The following CCDC60 variants were observed in gnomAD, a reference collection of about 807,000 sequenced individuals.
The protein encoded by CCDC60 is coiled-coil domain containing 60, also known as coiled-coil domain-containing protein 60.
Under a neutral mutation model 63.5 loss-of-function variants are expected in CCDC60, and 54 were observed. That is an observed-to-expected ratio of 0.85 (90% CI 0.68 to 1.07). CCDC60 has a LOEUF of 1.07. Among genes scored for constraint, CCDC60 ranks in the 50% least tolerant of loss-of-function variants. The pLI is 0.00. For missense variants in CCDC60, 651 were observed against 684.3 expected, an observed-to-expected ratio of 0.95 and a Z score of 0.54; for synonymous variants, 206 against 238.8, an observed-to-expected ratio of 0.86 and a Z score of 1.27.
chr12:119,540,957 C>A lies in CCDC60; in HGVS notation c.*242C>A. 2.3e-6 allele frequency: 1 copy of A among 426,828 alleles called. No homozygotes were observed. The highest frequency in any genetic ancestry group is 4.2e-6 in the Non-Finnish European group (1 of 240,070). The allele number at this position is 426,828 out of a possible 1,614,324, so 26.4% of individuals were successfully genotyped here. A position where few individuals can be genotyped will look rare whatever the true frequency, so the allele number is the denominator to read the frequency against. On this transcript the variant is annotated 3_prime_UTR_variant, in exon 14 of 14. Coordinates refer to ENST00000327554, the MANE Select transcript of CCDC60 (RefSeq NM_178499.5). ...CTACCAGTCTCTGTTCTTCAATGAT[C>A]CAGCCTGACTCTACCTACTTCCTCT...
Position 119,456,597 on chromosome 12 carries a change from G to A in CCDC60, c.171-15397G>A, listed in dbSNP as rs1383673462. Among the ~76,000 whole-genome samples, 1 of 152,220 alleles carries A rather than the reference G, an allele frequency of 6.6e-6. No homozygotes were observed. Among genetic ancestry groups the A allele is most frequent in the East Asian group, 1.9e-4 (1 of 5,198 alleles). On this transcript the variant is annotated intron_variant, in intron 2 of 13. Transcript: ENST00000327554. The surrounding 1 kb of genome is among the most constrained non-coding windows in gnomAD (Gnocchi z 4.6). ...TCAGGGCAAGTCCATAGCATAAAGT[G>A]AAAGCAAGTTTATTAATAAAGTAAA...
chr12:119,432,399 G>A (rs1012340311), intron 2 of CCDC60, among the ~76,000 whole-genome samples: 1 of 152,216 alleles, frequency 6.6e-6, no homozygotes, highest in Non-Finnish European at 1.5e-5. Context: ...CAGAAGAGAG[G>A]TTCCAAATAC....
intron 2 of CCDC60, among the ~76,000 whole-genome samples, chr12:119,446,626 C>A (rs961327504): frequency 6.6e-6 from 1 of 152,042 alleles, no homozygotes; most frequent in Non-Finnish European, 1.5e-5. Context: ...GGACGGGAGA[C>A]AGAGAGAATG....
intron 1 of CCDC60, among the ~76,000 whole-genome samples, chr12:119,397,252 T>C (rs1481141484): frequency 3.3e-5 from 5 of 152,146 alleles, no homozygotes; most frequent in East Asian, 1.9e-4. Flanking sequence ...AACACTTCCA[T>C]GATCTGAAAA....
At chr12:119,387,863 C>T (rs2136191817) in intron 1 of CCDC60, 2 of 152,322 alleles carry the variant, frequency 1.3e-5, no homozygotes, top group South Asian at 2.1e-4. Context: ...CTCACGATTA[C>T]ATGCAATGCT....
intron 2 of CCDC60, among the ~76,000 whole-genome samples, chr12:119,431,370 G>A (rs544391649): frequency 3.0e-4 from 45 of 152,202 alleles, no homozygotes; most frequent in African/African-American, 1.0e-3. Flanking sequence ...CTATTCTCTT[G>A]TGCTGAGTCA....
intron 5 of CCDC60, among the ~76,000 whole-genome samples, chr12:119,493,551 C>T (rs117381366): frequency 6.6e-6 from 1 of 152,128 alleles, no homozygotes; most frequent in Non-Finnish European, 1.5e-5. Context: ...AAAAACTCCT[C>T]AACTTCCCAA....
chr12:119,496,410 T>A (rs950444209), intron 5 of CCDC60, among the ~76,000 whole-genome samples: 9 of 152,178 alleles, frequency 5.9e-5, no homozygotes, highest in African/African-American at 2.2e-4. Flanking sequence ...CCTATTCCCT[T>A]GATTTCTGGC....
chr12:119,531,953 G>A (rs781104808), intron 13 of CCDC60, among the ~76,000 whole-genome samples: 24 of 152,228 alleles, frequency 1.6e-4, no homozygotes, highest in Admixed American at 2.6e-4. Flanking sequence ...GGCCTTCAAC[G>A]CCTCCCTCCT....
rs549028620 is a variant in CCDC60, at chr12:119,487,698, C to T, written c.450-1061C>T. Among the ~76,000 whole-genome samples the T allele has an allele frequency of 3.9e-5, 6 of 152,248 alleles. No individual in the cohort carries two copies. In the South Asian group the frequency reaches 1.2e-3, roughly 32 times the overall value. On this transcript the variant is annotated intron_variant, in intron 4 of 13. Transcript: ENST00000327554. ...GCACCTCTCTGAGCCTCAGTTTCCCCTTCTCTAAAATGTGCATAATAATTC... is the reference window on the plus strand; with the variant it reads ...GCACCTCTCTGAGCCTCAGTTTCCCTTTCTCTAAAATGTGCATAATAATTC...
chr12:119,451,179 C>T (rs1950627989), intron 2 of CCDC60, among the ~76,000 whole-genome samples: 1 of 152,198 alleles, frequency 6.6e-6, no homozygotes, highest in African/African-American at 2.4e-5. Flanking sequence ...AACAGGGATG[C>T]ATTTTTCCAC....
At chr12:119,396,005 T>C (rs965636969) in intron 1 of CCDC60, among the ~76,000 whole-genome samples, 27 of 152,194 alleles carry the variant, frequency 1.8e-4, no homozygotes, top group African/African-American at 6.0e-4. Flanking sequence ...TGGCTTGATC[T>C]CAACTCACTG....
chr12:119,484,226 C>T (rs947936851), intron 4 of CCDC60, among the ~76,000 whole-genome samples: 12 of 152,028 alleles, frequency 7.9e-5, no homozygotes, highest in Non-Finnish European at 1.6e-4. Context: ...ATCTGCAAAA[C>T]GGGGATAATA....
At chr12:119,433,159 G>A (rs1465384755) in intron 2 of CCDC60, among the ~76,000 whole-genome samples, 1 of 40,206 alleles carries the variant, frequency 2.5e-5, no homozygotes, top group Non-Finnish European at 4.8e-5. Context: ...TCCCCCGACA[G>A]AGAGTTGTTA....
chr12:119,527,647 TTTC>T (rs1952715174), intron 11 of CCDC60, among the ~76,000 whole-genome samples: 1 of 119,882 alleles, frequency 8.3e-6, no homozygotes, highest in South Asian at 2.7e-4. Context: ...GACTTTGTTT[TTTC>T]TTTCTTTCTT....
chr12:119,436,125 G>A (rs1305468661), intron 2 of CCDC60, among the ~76,000 whole-genome samples: 4 of 152,138 alleles, frequency 2.6e-5, no homozygotes, highest in African/African-American at 7.2e-5. Context: ...AGTTAAAGGT[G>A]GAAAAATAGA....
At chr12:119,376,644 A>G (rs1239091171) in intron 1 of CCDC60, among the ~76,000 whole-genome samples, 1 of 152,136 alleles carries the variant, frequency 6.6e-6, no homozygotes, top group African/African-American at 2.4e-5. Flanking sequence ...ATAAAATAAA[A>G]TAAAATAAAA....
chr12:119,386,501 GAAA>G (rs56754949), intron 1 of CCDC60, among the ~76,000 whole-genome samples: 1 of 142,720 alleles, frequency 7.0e-6, no homozygotes, highest in Admixed American at 7.0e-5. Context: ...TCCACTCTAA[GAAA>G]AAAAAAAAAA....
Position 119,505,146 on chromosome 12 carries a change from T to A in CCDC60, c.726T>A (p.Ser242Arg). 1 of 1,613,846 alleles carries A rather than the reference T, an allele frequency of 6.2e-7. No individual in the cohort carries two copies. Among genetic ancestry groups the A allele is most frequent in the Non-Finnish European group, 8.5e-7 (1 of 1,179,924 alleles). The change falls in exon 7 of 14, where the codon AGT becomes AGA. Residue 242 changes from serine (S) to arginine (R), a missense_variant. Physicochemically the swap from Ser to Arg is moderately radical, Grantham distance 110 (BLOSUM62 -1). Coordinates refer to ENST00000327554, the MANE Select transcript of CCDC60 (RefSeq NM_178499.5). ...GGCGAGGCTCCACACTCAGTCTGAG[T>A]CGGGCCAGTGGGGGGTCCTCTCCCC... ...PSRRGSTLSL[S>R]RASGGSSPQS...
Sources: gnomAD v4.1 joint callset for allele counts (sites outside exome capture counted in the v4.1 genomes callset) on GRCh38, gnomAD v4.1.1 for gene constraint, Gnocchi (gnomAD v3.1) non-coding constraint, MANE v1.5 for transcripts, NCBI Gene and HGNC (gene_info 2026-07-23, HGNC 2026-07-21) for gene names.